The following DRC8 variants were observed in gnomAD, a reference collection of about 807,000 sequenced individuals.
DRC8 encodes the protein dynein regulatory complex protein 8.
chr1:245,105,632 AAAAAAAC>A, the DRC8 span, among the ~76,000 whole-genome samples: 5 of 151,170 alleles, frequency 3.3e-5, no homozygotes, highest in African/African-American at 1.2e-4. Context: ...CAAAAAAAAA[AAAAAAAC>A]AAAAAACAAA....
the DRC8 span, among the ~76,000 whole-genome samples, chr1:245,011,786 A>G: frequency 2.0e-5 from 3 of 152,250 alleles, no homozygotes; most frequent in Admixed American, 1.3e-4. Flanking sequence ...GTTAAGTTTC[A>G]TGATTGTAGA....
chr1:245,020,771 C>T, the DRC8 span, among the ~76,000 whole-genome samples: 1 of 151,374 alleles, frequency 6.6e-6, no homozygotes, highest in South Asian at 2.1e-4. Context: ...AGGTGCCCGC[C>T]ACCACGCCCG....
the DRC8 span, among the ~76,000 whole-genome samples, chr1:245,096,567 C>T: frequency 6.6e-6 from 1 of 152,162 alleles, no homozygotes; most frequent in East Asian, 1.9e-4. Context: ...ACAGGAAGAC[C>T]AATAATGACA....
the DRC8 span, among the ~76,000 whole-genome samples, chr1:244,978,216 G>A: frequency 6.6e-6 from 1 of 152,018 alleles, no homozygotes; most frequent in East Asian, 1.9e-4. Flanking sequence ...GATCTAGGCC[G>A]GGCGCAGTGG....
the DRC8 span, among the ~76,000 whole-genome samples, chr1:245,048,392 T>C: frequency 1.3e-5 from 2 of 152,340 alleles, no homozygotes; most frequent in South Asian, 4.1e-4. Context: ...GCCAAAGTGA[T>C]ACAGATAGTA....
At chr1:245,023,004 T>G in the DRC8 span, 11 of 152,164 alleles carry the variant, frequency 7.2e-5, no homozygotes, top group African/African-American at 2.4e-4. Flanking sequence ...AGTACAATAT[T>G]TGTCCTTCCT....
At chr1:245,084,575 C>T in the DRC8 span, among the ~76,000 whole-genome samples, 1 of 152,188 alleles carries the variant, frequency 6.6e-6, no homozygotes, top group African/African-American at 2.4e-5. Context: ...GGAATTCTCT[C>T]TGCTAGGCTG....
the DRC8 span, chr1:245,059,438 C>A: frequency 1.2e-6 from 2 of 1,612,582 alleles, no homozygotes; most frequent in African/African-American, 2.7e-5. Context: ...GGAAGGAGAG[C>A]TGCATGATCT....
the DRC8 span, among the ~76,000 whole-genome samples, chr1:245,028,982 T>C: frequency 6.6e-6 from 1 of 152,246 alleles, no homozygotes; most frequent in African/African-American, 2.4e-5. Context: ...AAGCTTGCTT[T>C]TATGGCTTTT....
the DRC8 span, among the ~76,000 whole-genome samples, chr1:245,059,108 C>T: frequency 2.6e-5 from 4 of 152,196 alleles, no homozygotes; most frequent in African/African-American, 4.8e-5. Context: ...TAACACTTAA[C>T]GTCAGTTGGT....
At chr1:245,092,302 C>T in the DRC8 span, among the ~76,000 whole-genome samples, 2 of 152,196 alleles carry the variant, frequency 1.3e-5, no homozygotes, top group Admixed American at 1.3e-4. Flanking sequence ...TACGACTGTT[C>T]GTTAAGGGCA....
At chr1:245,116,658 G>T in the DRC8 span, among the ~76,000 whole-genome samples, 1 of 152,140 alleles carries the variant, frequency 6.6e-6, no homozygotes, top group Non-Finnish European at 1.5e-5. Context: ...TTTGTTTTTT[G>T]TAAGGCTTTC....
chr1:245,036,887 A>G, the DRC8 span, among the ~76,000 whole-genome samples: 1 of 152,198 alleles, frequency 6.6e-6, no homozygotes, highest in Non-Finnish European at 1.5e-5. Context: ...GGTGATTAAA[A>G]TGTTCTGGGA....
the DRC8 span, among the ~76,000 whole-genome samples, chr1:245,046,200 C>T: frequency 6.6e-6 from 1 of 151,742 alleles, no homozygotes; most frequent in Non-Finnish European, 1.5e-5. Context: ...GTCTTGTTTT[C>T]TTATTTCTAA....
the DRC8 span, among the ~76,000 whole-genome samples, chr1:245,056,391 G>A: frequency 2.6e-5 from 4 of 152,068 alleles, no homozygotes; most frequent in Non-Finnish European, 2.9e-5. Context: ...CGCCTCCTGC[G>A]TTCAAGCGAT....
At chr1:245,118,749 A>G in the DRC8 span, among the ~76,000 whole-genome samples, 560 of 151,094 alleles carry the variant, frequency 3.7e-3, no homozygotes, top group African/African-American at 0.012. Context: ...CCAAGATCGC[A>G]CCACTGCACT....
chr1:245,088,071 C>A, the DRC8 span, among the ~76,000 whole-genome samples: 1 of 152,072 alleles, frequency 6.6e-6, no homozygotes, highest in Non-Finnish European at 1.5e-5. This position sits in a 1 kb window ranked among gnomAD's most constrained non-coding sequence, Gnocchi z 4.6. Context: ...GGAGCATTGT[C>A]CTGAATACTG....
the DRC8 span, among the ~76,000 whole-genome samples, chr1:245,080,581 A>C: frequency 6.6e-6 from 1 of 152,142 alleles, no homozygotes; most frequent in African/African-American, 2.4e-5. Context: ...GAATCTTGGG[A>C]GTCATCCTTG....
the DRC8 span, chr1:244,970,506 G>A: frequency 4.2e-5 from 64 of 1,508,622 alleles, no homozygotes; most frequent in Non-Finnish European, 5.1e-5. Flanking sequence ...GGCTGCACGG[G>A]GAAGCGCCGG....
Sources: allele counts gnomAD v4.1 joint callset (sites outside exome capture counted in the v4.1 genomes callset), GRCh38; gene constraint gnomAD v4.1.1; non-coding constraint Gnocchi (gnomAD v3.1); transcripts MANE v1.5; gene names NCBI Gene and HGNC (gene_info 2026-07-23, HGNC 2026-07-21).